MINDY2: variants seen among roughly 807,000 people sequenced by gnomAD.
The protein encoded by MINDY2 is MINDY lysine 48 deubiquitinase 2.
MINDY2 carries 52 observed loss-of-function variants against 68.2 expected under a neutral mutation model. The ratio of observed to expected loss-of-function variants is 0.76; its 90% CI spans 0.61 to 0.96. The LOEUF (loss-of-function observed/expected upper bound fraction) is 0.96, where lower values mean the gene tolerates loss of function less well. Ranked by LOEUF, MINDY2 falls within the 40% of genes least tolerant of loss-of-function variation. The pLI is 0.00. For missense variants in MINDY2, 881 were observed against 773.4 expected, an observed-to-expected ratio of 1.14 and a Z score of -1.65; for synonymous variants, 372 against 303.0, an observed-to-expected ratio of 1.23 and a Z score of -2.36.
At chr15:58,843,785 G>A (rs916741328) in intron 6 of MINDY2, among the ~76,000 whole-genome samples, 1 of 126,838 alleles carries the variant, frequency 7.9e-6, no homozygotes, top group Non-Finnish European at 1.6e-5. Context: ...AGTGAGCCAA[G>A]TCACGCCACT....
intron 5 of MINDY2, among the ~76,000 whole-genome samples, chr15:58,828,979 T>C (rs979467543): frequency 6.6e-6 from 1 of 152,214 alleles, no homozygotes; most frequent in Non-Finnish European, 1.5e-5. Context: ...TTTAGTATCA[T>C]CAATTACAAT....
rs186892295 is a variant in MINDY2 at position 58,829,063 on chromosome 15, G to A, written c.1226-2711G>A. Among the ~76,000 whole-genome samples the A allele has an allele frequency of 2.4e-3, 367 of 152,108 alleles. 2 individuals are homozygous for A. Among genetic ancestry groups the A allele is most frequent in the Non-Finnish European group, 3.7e-3 (253 of 67,990 alleles). On this transcript the variant is annotated intron_variant, in intron 5 of 8. Coordinates refer to ENST00000559228, the MANE Select transcript of MINDY2 (RefSeq NM_001040450.3). ...TTGAATCAATAACACCTCTTTGAGC[G>A]TTATAATGATTCTCTGATAAGTTTA...
At chr15:58,802,424 T>C in intron 3 of MINDY2, 47 bp downstream of exon 3, 2 of 1,243,442 alleles carry the variant, frequency 1.6e-6, no homozygotes, top group Non-Finnish European at 2.2e-6. Flanking sequence ...AGTTTAAATA[T>C]ATACATTGGT....
intron 3 of MINDY2, among the ~76,000 whole-genome samples, chr15:58,809,812 C>T (rs2030097577): frequency 6.6e-6 from 1 of 152,204 alleles, no homozygotes; most frequent in Admixed American, 6.5e-5. Context: ...CAGAGTCTCG[C>T]TCTGTTGACC....
At chr15:58,788,192 C>T (rs1413960657) in intron 2 of MINDY2, among the ~76,000 whole-genome samples, 1 of 152,110 alleles carries the variant, frequency 6.6e-6, no homozygotes, top group Non-Finnish European at 1.5e-5. Context: ...ATCTAGGTAA[C>T]GTCTAGAAAA....
chr15:58,784,863 G>C (rs1412190916), intron 1 of MINDY2, among the ~76,000 whole-genome samples: 1 of 151,476 alleles, frequency 6.6e-6, no homozygotes, highest in African/African-American at 2.4e-5. Context: ...TCAAACTCCT[G>C]GGCTCAAGTG....
chr15:58,809,978 T>G (rs2030111395), intron 3 of MINDY2, among the ~76,000 whole-genome samples: 1 of 152,194 alleles, frequency 6.6e-6, no homozygotes, highest in Admixed American at 6.5e-5. Context: ...GGTTTCACCA[T>G]GTTGGCCAGG....
chr15:58,801,338 C>G (rs1902637287), intron 2 of MINDY2, among the ~76,000 whole-genome samples: 1 of 138,074 alleles, frequency 7.2e-6, no homozygotes, highest in Admixed American at 7.7e-5. Context: ...GCCTGTGATC[C>G]CAACACTTTG....
rs553464446 is a variant in MINDY2, at chr15:58,846,836, TATTG to T, written c.1369-460_1369-457del. On this transcript the variant is annotated intron_variant, in intron 6 of 8. Transcript: ENST00000559228. ...ATAATACAAACTAGGTACAAAGTAT[TATTG>T]GTGTATAAAAGAAGAGCAACTAATG... 2.3e-3 allele frequency among the ~76,000 whole-genome samples: 353 copies of T among 152,194 alleles called. 3 individuals carry two copies. Among genetic ancestry groups the T allele is most frequent in the African/African-American group, 8.0e-3 (332 of 41,514 alleles).
intron 1 of MINDY2, among the ~76,000 whole-genome samples, chr15:58,782,990 A>G (rs1031284286): frequency 2.6e-5 from 3 of 113,364 alleles, no homozygotes; most frequent in Admixed American, 1.4e-4. Context: ...CGTGATCTTT[A>G]CTCACTGCAG....
chr15:58,808,705 T>C (rs1307568549), intron 3 of MINDY2, among the ~76,000 whole-genome samples: 7 of 152,176 alleles, frequency 4.6e-5, no homozygotes, highest in Middle Eastern at 3.4e-3. Context: ...GCTGGGTTCA[T>C]GCCATTCTCC....
chr15:58,829,552 A>C (rs1419876804), intron 5 of MINDY2, among the ~76,000 whole-genome samples: 1 of 152,184 alleles, frequency 6.6e-6, no homozygotes, highest in Admixed American at 6.6e-5. Flanking sequence ...AATGTGCTAT[A>C]TCTCCACTGA....
Position 58,771,594 on chromosome 15 carries a change from G to T in MINDY2, c.199G>T (p.Ala67Ser), listed in dbSNP as rs767911572. ...AAARRSLPDS[A>S]SPAGSPEVPG... ...CGCCAGGAGGAGCCTCCCGGACTCG[G>T]CTTCTCCCGCGGGCTCTCCTGAGGT... The change falls in exon 1 of 9, where the codon GCT (alanine) becomes TCT (serine). Residue 67 changes from alanine to serine, a missense_variant. By Grantham distance (99) the Ala-to-Ser change is moderately conservative. Coordinates refer to ENST00000559228, the MANE Select transcript of MINDY2 (RefSeq NM_001040450.3). 10 of 1,611,752 alleles carry T rather than the reference G, an allele frequency of 6.2e-6. No homozygotes were observed. The highest frequency in any genetic ancestry group is 2.2e-5 in the East Asian group (1 of 44,862).
intron 3 of MINDY2, 66 bp downstream of exon 3, chr15:58,802,443 G>A (rs1902729895): frequency 2.0e-6 from 2 of 1,013,364 alleles, no homozygotes; most frequent in Admixed American, 2.9e-5. Context: ...GTTTCTATTA[G>A]TAGCTGGCAG....
At chr15:58,821,553 C>T (rs537296751) in intron 4 of MINDY2, among the ~76,000 whole-genome samples, 164 bp from the exon 5 acceptor site, 2 of 152,034 alleles carry the variant, frequency 1.3e-5, no homozygotes, top group Non-Finnish European at 2.9e-5. Context: ...TGTAAACAAA[C>T]TTGGAAACTG....
At chr15:58,799,068 A>G (rs1398234328) in intron 2 of MINDY2, among the ~76,000 whole-genome samples, 1 of 152,232 alleles carries the variant, frequency 6.6e-6, no homozygotes, top group Non-Finnish European at 1.5e-5. Flanking sequence ...TACTAGGGAC[A>G]TGTAAAAGTA....
Position 58,771,759 on chromosome 15 carries a change from G to A in MINDY2, c.364G>A (p.Glu122Lys). 2 of 1,611,558 alleles carry A rather than the reference G, an allele frequency of 1.2e-6. No homozygotes were observed. Among genetic ancestry groups the A allele is most frequent in the African/African-American group, 1.3e-5 (1 of 75,044 alleles). ...PETAVAGVGH[E>K]LGTAGDAGAR... ...GACAGCCGTGGCCGGAGTGGGTCAT[G>A]AGTTGGGTACCGCCGGAGACGCGGG... Residue 122 changes from glutamate to lysine, a missense_variant, in exon 1 of 9, where the codon GAG becomes AAG. Glu to Lys is a moderately conservative substitution (Grantham distance 56). Transcript: ENST00000559228.
rs1900468469 is a variant in MINDY2 at position 58,772,105 on chromosome 15, T to G, written c.710T>G (p.Phe237Cys). The G allele has an allele frequency of 6.2e-7, 1 of 1,613,904 alleles. No homozygotes were observed. Among genetic ancestry groups the G allele is most frequent in the Non-Finnish European group, 8.5e-7 (1 of 1,179,904 alleles). ...AQVLAASKERFPGQSVYHIKW... is the reference protein window; with the variant it reads ...AQVLAASKERCPGQSVYHIKW... ...GTGCTGGCGGCCTCCAAGGAACGCT[T>G]CCCGGGACAATCTGTGTATCACATC... Residue 237 changes from phenylalanine (F) to cysteine (C), a missense_variant, in exon 1 of 9, where the codon TTC becomes TGC. Phe to Cys is a radical substitution (Grantham distance 205, BLOSUM62 -2). Transcript: ENST00000559228.
intron 1 of MINDY2, among the ~76,000 whole-genome samples, chr15:58,778,054 A>T (rs905728322): frequency 1.3e-5 from 2 of 152,202 alleles, no homozygotes; most frequent in African/African-American, 4.8e-5. Flanking sequence ...CAGAAGGTAT[A>T]TAACATATAT....
Sources: allele counts gnomAD v4.1 joint callset (sites outside exome capture counted in the v4.1 genomes callset), GRCh38; gene constraint gnomAD v4.1.1; transcripts MANE v1.5; gene names NCBI Gene and HGNC (gene_info 2026-07-23, HGNC 2026-07-21).